Variants in UBE2W observed in about 807,000 individuals in gnomAD.
UBE2W encodes ubiquitin conjugating enzyme E2 W.
Under a neutral mutation model 27.2 loss-of-function variants are expected in UBE2W, and 18 were observed. That is an observed-to-expected ratio of 0.66 (90% confidence interval 0.46 to 0.98). UBE2W has a LOEUF of 0.98. UBE2W is among the 50% of genes least tolerant of loss of function. The probability of loss-of-function intolerance (pLI) is 0.00; values close to 1 mark genes in which losing one functional copy is unlikely to be tolerated. For synonymous variants in UBE2W, 53 were observed against 57.2 expected, an observed-to-expected ratio of 0.93 and a Z score of 0.33; for missense variants, 90 against 180.2, an observed-to-expected ratio of 0.50 and a Z score of 2.87.
chr8:73,828,016 C>T (rs1809921750), intron 2 of UBE2W, among the ~76,000 whole-genome samples: 1 of 152,126 alleles, frequency 6.6e-6, no homozygotes, highest in South Asian at 2.1e-4. Flanking sequence ...AATGGCAGCC[C>T]AGTAGCTGCA....
intron 1 of UBE2W, chr8:73,870,146 A>G (rs1175709766): frequency 9.8e-7 from 1 of 1,021,926 alleles, no homozygotes; most frequent in Admixed American, 2.2e-5. Flanking sequence ...TATGTGGATT[A>G]TATTTCAATT....
intron 4 of UBE2W, 58 bp downstream of exon 4, chr8:73,810,416 A>G: frequency 6.9e-7 from 1 of 1,454,676 alleles, no homozygotes; most frequent in Non-Finnish European, 9.2e-7. Context: ...TATTAAAATT[A>G]TTTATCTACC....
chr8:73,787,742 G>A lies in UBE2W; in HGVS notation c.*6360C>T, dbSNP rs114603164. The A allele has an allele frequency of 1.1e-3, 1,052 of 985,336 alleles. 7 individuals are homozygous for A. The African/African-American group carries it at 0.016, about 15-fold the overall frequency. 61.0% of individuals were successfully genotyped at this position (985,336 alleles called of 1,614,324 possible). On this transcript the variant is annotated 3_prime_UTR_variant, in exon 6 of 6. Coordinates refer to ENST00000602593, the MANE Select transcript of UBE2W (RefSeq NM_018299.6). ...ATTTAAGTCATTAGTTGATCTGTTT[G>A]TATACTCCAGAAAGCATCCAGAAGT...
chr8:73,844,174 C>CTCCCCCTT, intron 1 of UBE2W, among the ~76,000 whole-genome samples: 1 of 138,486 alleles, frequency 7.2e-6, no homozygotes, highest in African/African-American at 2.8e-5. Flanking sequence ...CCCTCCCCCT[C>CTCCCCCTT]TGCACGGACT....
At chr8:73,854,209 A>G (rs1047307442) in intron 1 of UBE2W, among the ~76,000 whole-genome samples, 1 of 152,178 alleles carries the variant, frequency 6.6e-6, no homozygotes, top group African/African-American at 2.4e-5. Context: ...CACCATTCTT[A>G]AAAATTTATA....
chr8:73,832,763 T>A (rs1262383279), intron 1 of UBE2W, among the ~76,000 whole-genome samples: 1 of 152,220 alleles, frequency 6.6e-6, no homozygotes, highest in Non-Finnish European at 1.5e-5. Flanking sequence ...ATGTTGCTAC[T>A]TAAAATGTTT....
chr8:73,835,833 T>C (rs115435413), intron 1 of UBE2W, among the ~76,000 whole-genome samples: 49 of 152,294 alleles, frequency 3.2e-4, no homozygotes, highest in African/African-American at 1.2e-3. Context: ...CAAGCTATCA[T>C]GTTGAGAACA....
rs1304330327 is a variant in UBE2W, at chr8:73,787,438, G to T, written c.*6664C>A. The T allele has an allele frequency of 1.0e-6, 1 of 985,248 alleles. No individual in the cohort carries two copies. The highest frequency in any genetic ancestry group is 1.2e-6 in the Non-Finnish European group (1 of 829,914). The allele number at this position is 985,248 out of a possible 1,614,324, so 61.0% of individuals were successfully genotyped here. A position where few individuals can be genotyped will look rare whatever the true frequency, so the allele number is the denominator to read the frequency against. On this transcript the variant is annotated 3_prime_UTR_variant, in exon 6 of 6. Coordinates refer to ENST00000602593, the MANE Select transcript of UBE2W (RefSeq NM_018299.6). ...TTAAGGATTATAATAAAGGAAAAGG[G>T]CATCATCAAAGTACAAAAGATGGTT... is the stretch of plus-strand genomic sequence containing the variant.
intron 1 of UBE2W, among the ~76,000 whole-genome samples, chr8:73,876,905 T>C (rs922248458): frequency 1.3e-4 from 20 of 152,112 alleles, no homozygotes; most frequent in African/African-American, 3.6e-4. Context: ...AGGTGGAGGC[T>C]GCGGTGAGCC....
intron 1 of UBE2W, among the ~76,000 whole-genome samples, chr8:73,867,554 A>C (rs996343405): frequency 2.0e-5 from 3 of 151,312 alleles, no homozygotes; most frequent in African/African-American, 7.3e-5. Flanking sequence ...AAAACAAAAA[A>C]CAAAAAATTA....
intron 1 of UBE2W, among the ~76,000 whole-genome samples, chr8:73,867,363 C>A (rs1406775743): frequency 6.6e-6 from 1 of 152,066 alleles, no homozygotes; most frequent in Non-Finnish European, 1.5e-5. Flanking sequence ...GGTGAAACCC[C>A]ATCTCTACTA....
At chr8:73,877,852 C>A (rs1273986246) in intron 1 of UBE2W, among the ~76,000 whole-genome samples, 1 of 151,782 alleles carries the variant, frequency 6.6e-6, no homozygotes, top group South Asian at 2.1e-4. Flanking sequence ...AAACAAAAAA[C>A]AAAAAAACCC....
intron 4 of UBE2W, among the ~76,000 whole-genome samples, chr8:73,806,056 G>A (rs374849458): frequency 7.2e-5 from 11 of 152,262 alleles, no homozygotes; most frequent in African/African-American, 2.6e-4. Context: ...TTGGGAGGCT[G>A]AGGCAGGAGA....
downstream of UBE2W, among the ~76,000 whole-genome samples, chr8:73,783,162 C>A (rs1226790278): frequency 2.0e-5 from 3 of 151,984 alleles, no homozygotes; most frequent in African/African-American, 4.8e-5. Flanking sequence ...TAAATATATC[C>A]TTTATCAGAT....
chr8:73,868,627 G>A (rs1315238095), intron 1 of UBE2W, among the ~76,000 whole-genome samples: 1 of 151,282 alleles, frequency 6.6e-6, no homozygotes, highest in Non-Finnish European at 1.5e-5. Flanking sequence ...AGTCCTGTGA[G>A]ACTGAGCCCT....
At chr8:73,823,045 T>TA (rs1430240882) in intron 3 of UBE2W, among the ~76,000 whole-genome samples, 3 of 152,004 alleles carry the variant, frequency 2.0e-5, no homozygotes, top group Admixed American at 1.3e-4. Flanking sequence ...AATTAAGCCT[T>TA]AAAAAAAGAA....
intron 1 of UBE2W, among the ~76,000 whole-genome samples, chr8:73,851,097 C>G (rs1437795410): frequency 1.3e-5 from 2 of 152,138 alleles, no homozygotes; most frequent in African/African-American, 4.8e-5. Context: ...GTGATCCTTC[C>G]ACCTCAGCCT....
At chr8:73,840,639 G>C (rs796802660) in intron 1 of UBE2W, among the ~76,000 whole-genome samples, 7 of 152,302 alleles carry the variant, frequency 4.6e-5, no homozygotes, top group African/African-American at 1.7e-4. Context: ...GTATCCAGTT[G>C]TTCTTCTGTA....
chr8:73,847,081 A>T (rs1420668043), intron 1 of UBE2W, among the ~76,000 whole-genome samples: 1 of 152,122 alleles, frequency 6.6e-6, no homozygotes, highest in African/African-American at 2.4e-5. Context: ...AGGCAGGAGA[A>T]TTGCTCGAAC....
Sources: allele counts gnomAD v4.1 joint callset (sites outside exome capture counted in the v4.1 genomes callset), GRCh38; gene constraint gnomAD v4.1.1; transcripts MANE v1.5; gene names NCBI Gene and HGNC (gene_info 2026-07-23, HGNC 2026-07-21).